BZW1: variants seen among roughly 807,000 people sequenced by gnomAD.
BZW1 encodes eIF5-mimic protein 2.
In BZW1, 3 loss-of-function variants were observed where a neutral mutation model predicts 54.1. That is an observed-to-expected ratio of 0.06 (90% CI 0.03 to 0.14). The LOEUF is 0.14. BZW1 is among the 10% of genes least tolerant of loss of function. BZW1 has a pLI of 1.00. For missense variants in BZW1, 206 were observed against 491.7 expected (o/e 0.42, Z 5.50); for synonymous variants, 152 against 162.7 (o/e 0.93, Z 0.50).
In BZW1 at chr2:200,823,978, G is replaced by T. The variant is rs920511142; in HGVS notation, c.*1800G>T. Reference sequence around the variant, plus strand: ...TCCCAAACTGTAAACCACCTACACAGAATTCTGGTGTAGCTAAAACTACAT... The same window carrying T: ...TCCCAAACTGTAAACCACCTACACATAATTCTGGTGTAGCTAAAACTACAT... On this transcript the variant is annotated 3_prime_UTR_variant, in exon 12 of 12. Coordinates refer to ENST00000409600, the MANE Select transcript of BZW1 (RefSeq NM_001207067.2). The T allele has an allele frequency of 6.6e-6, 1 of 152,084 alleles. No individual in the cohort carries two copies. The highest frequency in any genetic ancestry group is 1.5e-5 in the Non-Finnish European group (1 of 68,028). The allele number at this position is 152,084 out of a possible 1,614,324, so 9.4% of individuals were successfully genotyped here.
intron 11 of BZW1, among the ~76,000 whole-genome samples, chr2:200,821,666 A>G (rs2038520648): frequency 1.3e-5 from 2 of 152,074 alleles, no homozygotes; most frequent in African/African-American, 4.8e-5. Flanking sequence ...CACAAAGTAC[A>G]GGGATTGCAG....
chr2:200,814,610 A>T (rs963641468), intron 2 of BZW1, among the ~76,000 whole-genome samples: 3 of 152,210 alleles, frequency 2.0e-5, no homozygotes, highest in Non-Finnish European at 4.4e-5. Context: ...CAACAACTTT[A>T]TGGGATAGGT....
Position 200,819,876 on chromosome 2 carries a change from G to A in BZW1, c.967-106G>A, listed in dbSNP as rs1260740193. On this transcript the variant is annotated intron_variant, in intron 9 of 11. Coordinates refer to ENST00000409600, the MANE Select transcript of BZW1 (RefSeq NM_001207067.2). Reference sequence around the variant, plus strand: ...TGGTAAATAAGTTATAGTTTGCAGTGATTATAAAAGATGAGTTAAGTTCTA... The same window carrying A: ...TGGTAAATAAGTTATAGTTTGCAGTAATTATAAAAGATGAGTTAAGTTCTA... The A allele has an allele frequency of 2.8e-6, 3 of 1,054,018 alleles. No homozygotes were observed. In the African/African-American group the frequency reaches 5.0e-5, roughly 17 times the overall value. 65.3% of individuals were successfully genotyped at this position (1,054,018 alleles called of 1,614,324 possible).
intron 8 of BZW1, 28 bp from the exon 9 acceptor site, chr2:200,818,727 C>G: frequency 6.4e-7 from 1 of 1,569,098 alleles, no homozygotes; most frequent in Non-Finnish European, 8.6e-7. Flanking sequence ...AAACTGACTT[C>G]TGTTACTAAA....
intron 10 of BZW1, 151 bp from the exon 11 acceptor site, chr2:200,821,032 G>A: frequency 1.1e-6 from 1 of 914,710 alleles, no homozygotes; most frequent in South Asian, 1.7e-5. Flanking sequence ...TAGTTGGTAT[G>A]CGCACATGTA....
At chr2:200,820,340 T>A (rs2038463530) in intron 10 of BZW1, 1 of 385,052 alleles carries the variant, frequency 2.6e-6, no homozygotes. Flanking sequence ...AAAGCCATCA[T>A]TATGCGTCCT....
chr2:200,818,544 C>T (rs1165850190), intron 8 of BZW1, among the ~76,000 whole-genome samples, 151 bp downstream of exon 8: 1 of 152,184 alleles, frequency 6.6e-6, no homozygotes, highest in African/African-American at 2.4e-5. Flanking sequence ...GCATATGCTT[C>T]TTCAGTGCCT....
At chr2:200,816,906 A>G (rs751962698) in intron 5 of BZW1, among the ~76,000 whole-genome samples, 200 bp from the exon 6 acceptor site, 1 of 152,204 alleles carries the variant, frequency 6.6e-6, no homozygotes, top group Non-Finnish European at 1.5e-5. Flanking sequence ...TTTATTATCC[A>G]CATTTTACAT....
rs1575064249 is a variant in BZW1, at chr2:200,824,967, C to T, written c.*2789C>T. ...GATTATGGGCTTGAGCCACCGCGCC[C>T]AGCTAGACTTTTTTCTAATAGAGTC... On this transcript the variant is annotated 3_prime_UTR_variant, in exon 12 of 12. Transcript: ENST00000409600. The T allele has an allele frequency of 6.6e-6, 1 of 152,270 alleles. No homozygotes were observed. The highest frequency in any genetic ancestry group is 1.9e-4 in the East Asian group (1 of 5,178). The allele number at this position is 152,270 out of a possible 1,614,324, so 9.4% of individuals were successfully genotyped here.
At chr2:200,817,389 T>A in intron 6 of BZW1, 148 bp downstream of exon 6, 1 of 1,047,250 alleles carries the variant, frequency 9.5e-7, no homozygotes, top group Middle Eastern at 3.1e-4. Flanking sequence ...CACTAGACAT[T>A]TAATGAATAC....
intron 9 of BZW1, chr2:200,819,130 G>T: frequency 2.0e-6 from 1 of 493,590 alleles, no homozygotes; most frequent in Non-Finnish European, 3.5e-6. Context: ...AATGGCTCAC[G>T]CCTGTAAACC....
At chr2:200,812,925 A>G (rs2038142255) in intron 1 of BZW1, 2 of 664,736 alleles carry the variant, frequency 3.0e-6, no homozygotes, top group Non-Finnish European at 5.7e-6. Context: ...AAACTGAACA[A>G]TTAGGTTTAT....
rs865908843 is a variant in BZW1, at chr2:200,818,856, C to T, written c.921C>T (p.Asn307=). The stretch of plus-strand genomic sequence containing the variant: ...GTGTAATGAGCACTGTGGAATGGAA[C>T]AAAAAAGAGGAGCTTGTAGCAGAGC... ...WSSVMSTVEW[N]KKEELVAEQA... is the part of the protein sequence containing the mutation. The change falls in exon 9 of 12, where the codon AAC becomes AAT. Residue 307 remains asparagine, a synonymous_variant. Transcript: ENST00000409600. 1.9e-6 allele frequency: 3 copies of T among 1,599,558 alleles called. No homozygotes were observed. The highest frequency in any genetic ancestry group is 2.2e-5 in the East Asian group (1 of 44,612).
At chr2:200,821,642 T>A (rs1482726937) in intron 11 of BZW1, among the ~76,000 whole-genome samples, 1 of 152,140 alleles carries the variant, frequency 6.6e-6, no homozygotes, top group Non-Finnish European at 1.5e-5. Flanking sequence ...CAAACAACCT[T>A]CCTGCCTCAG....
chr2:200,811,895 C>G (rs541832394), upstream of BZW1: 1 of 209,354 alleles, frequency 4.8e-6, no homozygotes, highest in Non-Finnish European at 9.5e-6. Flanking sequence ...GGCACCTCTC[C>G]CTCCTCCTGG....
rs751548663 is a variant in BZW1, at chr2:200,821,174, T to C, written c.1106-9T>C. ...AAAACTCCCTTAATGCAATGAGTTT[T>C]CTTTCCAGCTGAAGTCCTGAGCGAG... On this transcript the variant is annotated splice_polypyrimidine_tract_variant and intron_variant, in intron 10 of 11. Transcript: ENST00000409600. The C allele has an allele frequency of 6.2e-7, 1 of 1,611,418 alleles. No homozygotes were observed. Among genetic ancestry groups the C allele is most frequent in the Admixed American group, 1.7e-5 (1 of 59,974 alleles).
At chr2:200,821,937 T>C (rs1375602267) in intron 11 of BZW1, among the ~76,000 whole-genome samples, 1 of 152,048 alleles carries the variant, frequency 6.6e-6, no homozygotes, top group Non-Finnish European at 1.5e-5. Context: ...GTTTTGGTGG[T>C]GGGCGCCTGT....
chr2:200,815,798 A>G lies in BZW1; in HGVS notation c.336+37A>G, dbSNP rs181758556. On this transcript the variant is annotated intron_variant, in intron 4 of 11. Coordinates refer to ENST00000409600, the MANE Select transcript of BZW1 (RefSeq NM_001207067.2). Reference sequence around the variant, plus strand: ...TTTACATAATTGTTTTCAGTTGGCTACTATCCATGTGGTATATTTGAGGAA... The same window carrying G: ...TTTACATAATTGTTTTCAGTTGGCTGCTATCCATGTGGTATATTTGAGGAA... 421 of 1,468,892 alleles carry G rather than the reference A, an allele frequency of 2.9e-4. 3 individuals are homozygous for G. The African/African-American group carries it at 5.6e-3, about 20-fold the overall frequency. 91.0% of individuals were successfully genotyped at this position (1,468,892 alleles called of 1,614,324 possible).
chr2:200,812,920 G>C, intron 1 of BZW1: 2 of 663,988 alleles, frequency 3.0e-6, no homozygotes, highest in South Asian at 3.0e-5. Flanking sequence ...GGAGAAAACT[G>C]AACAATTAGG....
Sources: allele counts gnomAD v4.1 joint callset (sites outside exome capture counted in the v4.1 genomes callset), GRCh38; gene constraint gnomAD v4.1.1; transcripts MANE v1.5; gene names NCBI Gene and HGNC (gene_info 2026-07-23, HGNC 2026-07-21).